Variants in GSG1L observed in about 807,000 individuals in gnomAD.
GSG1L encodes the protein germ cell-specific gene 1-like protein.
In GSG1L, 24 loss-of-function variants were observed where a neutral mutation model predicts 42.1. That is an observed-to-expected ratio of 0.57 (90% CI 0.41 to 0.80). GSG1L has a LOEUF of 0.80. Among genes scored for constraint, GSG1L ranks in the 30% least tolerant of loss-of-function variants. The pLI is 0.00. For synonymous variants in GSG1L, 215 were observed against 203.5 expected (o/e 1.06, Z -0.48); for missense variants, 445 against 472.2 (o/e 0.94, Z 0.53).
At chr16:27,809,293 C>T (rs1040707099) in intron 5 of GSG1L, among the ~76,000 whole-genome samples, 1 of 152,134 alleles carries the variant, frequency 6.6e-6, no homozygotes, top group African/African-American at 2.4e-5. Context: ...GTCCCAGCCA[C>T]TCAGGAGGCT....
intron 3 of GSG1L, among the ~76,000 whole-genome samples, chr16:27,872,212 C>T (rs1030750378): frequency 6.6e-6 from 1 of 152,098 alleles, no homozygotes; most frequent in Non-Finnish European, 1.5e-5. Flanking sequence ...GATGTGAGAC[C>T]CCCCAGTCTG....
chr16:27,948,810 C>T (rs867733360), intron 2 of GSG1L, among the ~76,000 whole-genome samples: 2 of 149,776 alleles, frequency 1.3e-5, no homozygotes, highest in African/African-American at 4.9e-5. Context: ...GGGGTTTCAT[C>T]GTGTTAGCCA....
At chr16:27,906,798 T>G (rs1311357578) in intron 2 of GSG1L, among the ~76,000 whole-genome samples, 1 of 152,166 alleles carries the variant, frequency 6.6e-6, no homozygotes, top group Non-Finnish European at 1.5e-5. Context: ...TTTGCCTCAG[T>G]TTACCCGTCT....
At chr16:28,023,065 G>A (rs1334414886) in intron 1 of GSG1L, among the ~76,000 whole-genome samples, 1 of 152,112 alleles carries the variant, frequency 6.6e-6, no homozygotes, top group Non-Finnish European at 1.5e-5. Context: ...CTGGCATCAA[G>A]CGATCCTCCC....
intron 5 of GSG1L, among the ~76,000 whole-genome samples, chr16:27,826,722 T>C (rs939150149): frequency 2.6e-5 from 4 of 152,136 alleles, no homozygotes; most frequent in Non-Finnish European, 5.9e-5. Flanking sequence ...ACCCACCAAC[T>C]CCTGACAGTA....
At chr16:27,869,875 A>ATCTCTCTGTCTCTGTCTCCCTCCATC (rs1335050002) in intron 3 of GSG1L, among the ~76,000 whole-genome samples, 3 of 24,784 alleles carry the variant, frequency 1.2e-4, no homozygotes, top group Non-Finnish European at 2.4e-4. Flanking sequence ...GTCTCCCTCC[A>ATCTCTCTGTCTCTGTCTCCCTCCATC]TCTCTCTGTC....
intron 2 of GSG1L, among the ~76,000 whole-genome samples, chr16:27,893,719 ACAGACATG>A (rs780346681): frequency 3.3e-5 from 5 of 152,142 alleles, no homozygotes; most frequent in Non-Finnish European, 5.9e-5. Flanking sequence ...AGCTGGGACT[ACAGACATG>A]CACCACCATG....
At chr16:27,897,582 G>A (rs2084205913) in intron 2 of GSG1L, among the ~76,000 whole-genome samples, 1 of 152,172 alleles carries the variant, frequency 6.6e-6, no homozygotes, top group African/African-American at 2.4e-5. Context: ...TTACAGGCAT[G>A]AGTTACCATG....
At chr16:27,954,162 G>A (rs916416029) in intron 2 of GSG1L, among the ~76,000 whole-genome samples, 1 of 152,082 alleles carries the variant, frequency 6.6e-6, no homozygotes, top group Non-Finnish European at 1.5e-5. Context: ...TCAAACCTGG[G>A]ATTGAACATG....
intron 1 of GSG1L, among the ~76,000 whole-genome samples, chr16:28,008,788 T>C (rs555673610): frequency 1.1e-3 from 169 of 152,126 alleles, no homozygotes; most frequent in African/African-American, 3.9e-3. Context: ...GTCCAGAAAG[T>C]GGGGTGCAGT....
intron 2 of GSG1L, among the ~76,000 whole-genome samples, chr16:27,926,337 C>G (rs1023850522): frequency 6.6e-6 from 1 of 152,096 alleles, no homozygotes; most frequent in Non-Finnish European, 1.5e-5. Flanking sequence ...CGTTGCAAAA[C>G]TCATGGACAG....
At chr16:27,852,196 C>T (rs977360208) in intron 3 of GSG1L, among the ~76,000 whole-genome samples, 6 of 152,172 alleles carry the variant, frequency 3.9e-5, no homozygotes, top group Admixed American at 1.3e-4. Flanking sequence ...GCTGGGCATG[C>T]GTGTCATGTC....
intron 3 of GSG1L, among the ~76,000 whole-genome samples, chr16:27,868,478 A>G (rs2083759994): frequency 6.6e-6 from 1 of 152,262 alleles, no homozygotes; most frequent in Non-Finnish European, 1.5e-5. Context: ...GGAGAGTGAC[A>G]TAAACAGTGA....
At chr16:28,051,552 A>AG (rs2086222802) in intron 1 of GSG1L, among the ~76,000 whole-genome samples, 1 of 148,688 alleles carries the variant, frequency 6.7e-6, no homozygotes, top group South Asian at 2.1e-4. Flanking sequence ...TAAGGTGGGG[A>AG]GGTGACTGCG....
At chr16:28,008,165 C>T (rs1005872865) in intron 1 of GSG1L, among the ~76,000 whole-genome samples, 14 of 151,842 alleles carry the variant, frequency 9.2e-5, no homozygotes, top group South Asian at 2.1e-4. Flanking sequence ...CTGCAACCTC[C>T]GCCTTCTGGG....
Position 27,967,905 on chromosome 16 carries a change from T to C in GSG1L, c.350-4702A>G, listed in dbSNP as rs115566850. ...TCCAACCTAGGTGACAGGGTGAGAC[T>C]CCATCTCAAAAAAATATAATATAAT... On this transcript the variant is annotated intron_variant, in intron 1 of 6. Coordinates refer to ENST00000447459, the MANE Select transcript of GSG1L (RefSeq NM_001109763.2). Among the ~76,000 whole-genome samples the C allele has an allele frequency of 5.4e-3, 828 of 152,230 alleles. 5 individuals are homozygous for C. Among genetic ancestry groups the C allele is most frequent in the African/African-American group, 0.019 (789 of 41,540 alleles).
At chr16:28,030,772 AT>A (rs2085949634) in intron 1 of GSG1L, among the ~76,000 whole-genome samples, 1 of 129,238 alleles carries the variant, frequency 7.7e-6, no homozygotes, top group Non-Finnish European at 1.6e-5. Context: ...ATGGGATGGG[AT>A]GGGATGGGAT....
intron 1 of GSG1L, among the ~76,000 whole-genome samples, chr16:28,006,534 C>T (rs2085641713): frequency 6.6e-6 from 1 of 152,002 alleles, no homozygotes; most frequent in Non-Finnish European, 1.5e-5. Context: ...GTCTTGAACT[C>T]CTTGCCTCAA....
intron 2 of GSG1L, among the ~76,000 whole-genome samples, chr16:27,922,489 C>T (rs1054272424): frequency 1.3e-5 from 2 of 152,302 alleles, no homozygotes; most frequent in East Asian, 1.9e-4. Flanking sequence ...TCGATAGTAC[C>T]GATCACCTCT....
Sources: gnomAD v4.1 joint callset for allele counts (sites outside exome capture counted in the v4.1 genomes callset) on GRCh38, gnomAD v4.1.1 for gene constraint, MANE v1.5 for transcripts, NCBI Gene and HGNC (gene_info 2026-07-23, HGNC 2026-07-21) for gene names.